Variants in TNRC6B observed in about 807,000 individuals in gnomAD.
The protein encoded by TNRC6B is trinucleotide repeat-containing gene 6B protein.
A neutral mutation model predicts 203.6 loss-of-function variants in TNRC6B; 52 were observed. That is an observed-to-expected ratio of 0.26 (90% CI 0.20 to 0.32). The LOEUF is 0.32. Among genes scored for constraint, TNRC6B ranks in the 10% least tolerant of loss-of-function variants. TNRC6B has a pLI of 1.00. For missense variants in TNRC6B, 1,923 were observed against 2,286.2 expected (o/e 0.84, Z 3.24); for synonymous variants, 838 against 845.7 (o/e 0.99, Z 0.16).
At position 40,311,009 on chromosome 22, in the gene TNRC6B, T is replaced by G; in HGVS notation, c.4435+16T>G. The G allele has an allele frequency of 6.3e-7, 1 of 1,597,982 alleles. No homozygotes were observed. The highest frequency in any genetic ancestry group is 8.5e-7 in the Non-Finnish European group (1 of 1,172,720). ...TGGCCTCCAGGTATTGTCTAGGAAA[T>G]GCTTTTCCCAGGATAGCATTTGTTT... On this transcript the variant is annotated intron_variant, in intron 17 of 22. Coordinates refer to ENST00000454349, the MANE Select transcript of TNRC6B (RefSeq NM_001162501.2).
chr22:40,260,344 G>T (rs528643245), intron 3 of TNRC6B, among the ~76,000 whole-genome samples: 85 of 152,222 alleles, frequency 5.6e-4, no homozygotes, highest in South Asian at 2.1e-3. Context: ...GGAGTTTCTT[G>T]TAAGAGTCCA....
In TNRC6B at chr22:40,330,955, G is replaced by A. The variant is rs1299743324; in HGVS notation, c.*7714G>A. 1.3e-5 allele frequency: 2 copies of A among 152,714 alleles called. No homozygotes were observed. The highest frequency in any genetic ancestry group is 2.9e-5 in the Non-Finnish European group (2 of 68,056). 9.5% of individuals were successfully genotyped at this position (152,714 alleles called of 1,614,324 possible). A position where few individuals can be genotyped will look rare whatever the true frequency, so the allele number is the denominator to read the frequency against. On this transcript the variant is annotated 3_prime_UTR_variant, in exon 23 of 23. Transcript: ENST00000454349. ...ACCCAGGCGACGCAGACCCACGTTA[G>A]TCCAAGAGCGCAGGTTTACACATCT...
chr22:40,280,598 C>T (rs1455228198), intron 10 of TNRC6B, among the ~76,000 whole-genome samples: 1 of 152,216 alleles, frequency 6.6e-6, no homozygotes, highest in African/African-American at 2.4e-5. Context: ...TCTCATCTAC[C>T]TAATTTAACC....
At chr22:40,239,026 G>A (rs1238861299) in intron 1 of TNRC6B, among the ~76,000 whole-genome samples, 1 of 152,072 alleles carries the variant, frequency 6.6e-6, no homozygotes, top group African/African-American at 2.4e-5. Flanking sequence ...AACATAGTGA[G>A]ACCCCGTCTC....
At chr22:40,321,000 C>G (rs1013300824) in intron 21 of TNRC6B, 90 bp from the exon 22 acceptor site, 1 of 1,489,594 alleles carries the variant, frequency 6.7e-7, no homozygotes, top group Admixed American at 1.7e-5. Context: ...AATGGGCACA[C>G]TAGGTCTCAG....
chr22:40,244,389 G>T (rs771406820), intron 1 of TNRC6B, among the ~76,000 whole-genome samples: 1 of 152,058 alleles, frequency 6.6e-6, no homozygotes, highest in Non-Finnish European at 1.5e-5. Flanking sequence ...ATACCCAGAG[G>T]TGCAGAAGGA....
At chr22:40,191,616 C>T (rs1160381562) in intron 1 of TNRC6B, among the ~76,000 whole-genome samples, 1 of 152,236 alleles carries the variant, frequency 6.6e-6, no homozygotes, top group African/African-American at 2.4e-5. Flanking sequence ...GGTTCTCACT[C>T]TGTCATCCAG....
chr22:40,075,137 C>CATATATATATATATATATATATAT lies in TNRC6B; in HGVS notation c.-121+30159_-121+30160insATATATATATATATATATATATAT, dbSNP rs200861275. On this transcript the variant is annotated intron_variant, in intron 1 of 23. Transcript: ENST00000301923. ...AGCCAAGTTGATTGTTGGTTCTGTT[C>CATATATATATATATATATATATAT]ATATATATATATATATATATTTTTT... is the stretch of plus-strand genomic sequence containing the variant. 5.0e-4 allele frequency among the ~76,000 whole-genome samples: 30 copies of CATATATATATATATATATATATAT among 59,772 alleles called. 1 individual carries two copies. Among genetic ancestry groups the CATATATATATATATATATATATAT allele is most frequent in the African/African-American group, 9.4e-4 (10 of 10,624 alleles). The allele number at this position is 59,772 out of a possible 152,430, so 39.2% of individuals were successfully genotyped here.
At chr22:40,202,555 A>T (rs1278766929) in intron 1 of TNRC6B, among the ~76,000 whole-genome samples, 1 of 152,106 alleles carries the variant, frequency 6.6e-6, no homozygotes, top group African/African-American at 2.4e-5. Flanking sequence ...TTTCTTTAAG[A>T]TAAATCCGAT....
chr22:40,132,969 A>AAAAAAAATATAT (rs1282694632), intron 3 of TNRC6B, among the ~76,000 whole-genome samples: 6 of 78,188 alleles, frequency 7.7e-5, no homozygotes, highest in East Asian at 8.0e-4. Context: ...AAAAAAAAAA[A>AAAAAAAATATAT]ATATATATAT....
At chr22:40,140,191 C>A (rs1476782562) in intron 3 of TNRC6B, among the ~76,000 whole-genome samples, 1 of 152,082 alleles carries the variant, frequency 6.6e-6, no homozygotes, top group Admixed American at 6.6e-5. Flanking sequence ...AACCAGTATA[C>A]CAGCAGTGTC....
chr22:40,308,606 G>T lies in TNRC6B; in HGVS notation c.4215G>T (p.Gly1405=), dbSNP rs1426315959. The change falls in exon 16 of 23, where the codon GGG becomes GGT. Residue 1405 remains glycine (G), a synonymous_variant. Transcript: ENST00000454349. ...RFKQWTSMME[G]LPSVATQEAN... ...AACAGTGGACCTCCATGATGGAGGGGCTGCCCTCTGTAGCCACACAGGAAG... is the reference window on the plus strand; with the variant it reads ...AACAGTGGACCTCCATGATGGAGGGTCTGCCCTCTGTAGCCACACAGGAAG... The T allele has an allele frequency of 2.5e-6, 4 of 1,613,884 alleles. No homozygotes were observed. Among genetic ancestry groups the T allele is most frequent in the African/African-American group, 2.7e-5 (2 of 74,924 alleles).
chr22:40,177,051 G>C (rs896130129), upstream of TNRC6B, among the ~76,000 whole-genome samples: 1 of 152,188 alleles, frequency 6.6e-6, no homozygotes, highest in African/African-American at 2.4e-5. Flanking sequence ...CCTGTGAGCC[G>C]CGGGGGCTGG....
At chr22:40,234,153 G>T (rs1010645129) in intron 1 of TNRC6B, among the ~76,000 whole-genome samples, 2 of 152,126 alleles carry the variant, frequency 1.3e-5, no homozygotes. Context: ...GCACATGGTG[G>T]TGCATGTCTG....
At chr22:40,220,390 T>G (rs1194739653) in intron 1 of TNRC6B, among the ~76,000 whole-genome samples, 2 of 151,644 alleles carry the variant, frequency 1.3e-5, no homozygotes, top group Non-Finnish European at 2.9e-5. Flanking sequence ...GGGGTGGAGG[T>G]TTGAGCCCCC....
chr22:40,118,827 A>G lies in TNRC6B; in HGVS notation c.-47+1699A>G, dbSNP rs543115955. On this transcript the variant is annotated intron_variant, in intron 2 of 23. Transcript: ENST00000301923. ...ACAAGATCCACTGGAGGCACTGAGG[A>G]AGGAATCATTATTTCTGCCTAGAGA... 1.7e-3 allele frequency among the ~76,000 whole-genome samples: 261 copies of G among 152,340 alleles called. 1 individual carries two copies. Among genetic ancestry groups the G allele is most frequent in the Middle Eastern group, 6.8e-3 (2 of 294 alleles).
chr22:40,106,482 TAG>T (rs2068284590), intron 1 of TNRC6B: 16 of 749,470 alleles, frequency 2.1e-5, no homozygotes, highest in Non-Finnish European at 3.4e-5. Context: ...TCCAACAGTA[TAG>T]ATCTCATGAA....
chr22:40,273,687 C>T, intron 7 of TNRC6B, 87 bp downstream of exon 7: 1 of 1,390,106 alleles, frequency 7.2e-7, no homozygotes, highest in Admixed American at 2.5e-5. Flanking sequence ...TGTTTTGAGA[C>T]AAGTTCTCCC....
intron 21 of TNRC6B, among the ~76,000 whole-genome samples, chr22:40,319,649 C>G (rs1025338350): frequency 3.3e-5 from 5 of 152,068 alleles, no homozygotes; most frequent in African/African-American, 9.7e-5. Context: ...TGGTCTTGAT[C>G]TCCTGACCTC....
Sources: allele counts gnomAD v4.1 joint callset (sites outside exome capture counted in the v4.1 genomes callset), GRCh38; gene constraint gnomAD v4.1.1; transcripts MANE v1.5; gene names NCBI Gene and HGNC (gene_info 2026-07-23, HGNC 2026-07-21).